NEK10: variants seen among roughly 807,000 people sequenced by gnomAD.
NEK10 encodes serine/threonine-protein kinase Nek10.
A neutral mutation model predicts 159.8 loss-of-function variants in NEK10; 122 were observed. The ratio of observed to expected loss-of-function variants is 0.76; its 90% CI spans 0.66 to 0.89. NEK10 has a LOEUF of 0.89. Ranked by LOEUF, NEK10 falls within the 40% of genes least tolerant of loss-of-function variation. The probability of loss-of-function intolerance (pLI) is 0.00; values close to 1 mark genes in which losing one functional copy is unlikely to be tolerated. For missense variants in NEK10, 1,342 were observed against 1,323.1 expected (o/e 1.01, Z -0.22); for synonymous variants, 466 against 457.1 (o/e 1.02, Z -0.25).
At chr3:27,149,230 C>G (rs918997342) in intron 30 of NEK10, among the ~76,000 whole-genome samples, 3 of 152,020 alleles carry the variant, frequency 2.0e-5, no homozygotes, top group African/African-American at 7.2e-5. Flanking sequence ...AGAGTTTATA[C>G]AGTGATGGGT....
At chr3:27,193,600 ATTTTTTTTTTTTT>A (rs141331589) in intron 25 of NEK10, among the ~76,000 whole-genome samples, 1 of 55,064 alleles carries the variant, frequency 1.8e-5, no homozygotes, top group African/African-American at 8.2e-5. Context: ...CATATGCTTG[ATTTTTTTTTTTTT>A]TTTTTTTTTT....
chr3:27,309,833 C>T (rs1242519865), intron 9 of NEK10: 1 of 152,170 alleles, frequency 6.6e-6, no homozygotes, highest in Non-Finnish European at 1.5e-5. Context: ...CCATTTGCCT[C>T]CCAGATTTCT....
At chr3:27,153,715 A>G (rs907728794) in intron 30 of NEK10, among the ~76,000 whole-genome samples, 1 of 152,244 alleles carries the variant, frequency 6.6e-6, no homozygotes, top group African/African-American at 2.4e-5. Context: ...GCAATGGGTC[A>G]GAAACACAAT....
intron 5 of NEK10, among the ~76,000 whole-genome samples, chr3:27,324,941 G>A (rs1324949340): frequency 6.6e-6 from 1 of 152,184 alleles, no homozygotes; most frequent in Non-Finnish European, 1.5e-5. Flanking sequence ...AAGGTCCAGT[G>A]CCTAAGGTGC....
chr3:27,329,441 C>A (rs2046242412), intron 5 of NEK10, among the ~76,000 whole-genome samples: 1 of 152,138 alleles, frequency 6.6e-6, no homozygotes, highest in Non-Finnish European at 1.5e-5. Flanking sequence ...TGATTTTTAG[C>A]TGTGGAAATG....
At chr3:27,136,103 A>ATTTTTTTTTTTTTTT (rs775843715) in intron 31 of NEK10, among the ~76,000 whole-genome samples, 1 of 60,680 alleles carries the variant, frequency 1.6e-5, no homozygotes, top group Non-Finnish European at 3.1e-5. Flanking sequence ...TAGGAGATCG[A>ATTTTTTTTTTTTTTT]TTTTTTTTTT....
chr3:27,174,117 G>T (rs1490339027), intron 28 of NEK10, among the ~76,000 whole-genome samples: 1 of 152,076 alleles, frequency 6.6e-6, no homozygotes, highest in African/African-American at 2.4e-5. Flanking sequence ...TAACCAACAG[G>T]CTCATAAAAG....
intron 30 of NEK10, among the ~76,000 whole-genome samples, chr3:27,142,023 T>C (rs765729753): frequency 4.6e-5 from 7 of 152,176 alleles, no homozygotes; most frequent in Admixed American, 6.5e-5. Flanking sequence ...ATGTAATCAC[T>C]GAACATTCTT....
chr3:27,249,902 T>G (rs2149295169), intron 23 of NEK10, among the ~76,000 whole-genome samples: 1 of 152,292 alleles, frequency 6.6e-6, no homozygotes, highest in South Asian at 2.1e-4. Context: ...GTTTTTTGAT[T>G]TGAGGTTACC....
At chr3:27,347,662 C>A (rs146801347) in intron 3 of NEK10, among the ~76,000 whole-genome samples, 6 of 152,092 alleles carry the variant, frequency 3.9e-5, no homozygotes, top group African/African-American at 1.4e-4. Context: ...ATATGCCAGC[C>A]ACAGTCAGAT....
chr3:27,302,148 A>G (rs1426392346), intron 12 of NEK10, among the ~76,000 whole-genome samples: 1 of 152,136 alleles, frequency 6.6e-6, no homozygotes, highest in Non-Finnish European at 1.5e-5. Flanking sequence ...GATTATTCTC[A>G]GTTTCCTTTT....
At chr3:27,206,601 C>T (rs187132517) in intron 23 of NEK10, 1 of 985,240 alleles carries the variant, frequency 1.0e-6, no homozygotes, top group East Asian at 1.1e-4. Flanking sequence ...CATTCACATC[C>T]AAGTCTTCCA....
intron 30 of NEK10, among the ~76,000 whole-genome samples, chr3:27,149,079 T>C (rs1944582438): frequency 6.6e-6 from 1 of 150,908 alleles, no homozygotes; most frequent in East Asian, 1.9e-4. Context: ...ATCTAAAATA[T>C]ATATGTATAT....
chr3:27,184,954 T>A (rs1406795687), intron 26 of NEK10, among the ~76,000 whole-genome samples: 3 of 152,190 alleles, frequency 2.0e-5, no homozygotes, highest in African/African-American at 4.8e-5. Context: ...GCACATTTTT[T>A]AATTTGCATT....
Position 27,108,681 on chromosome 3 carries a change from G to T in NEK10, c.*2591C>A, listed in dbSNP as rs1478697920. Among the ~76,000 whole-genome samples, 1 of 152,142 alleles carries T rather than the reference G, an allele frequency of 6.6e-6. No individual in the cohort carries two copies. Among genetic ancestry groups the T allele is most frequent in the African/African-American group, 2.4e-5 (1 of 41,448 alleles). On this transcript the variant is annotated 3_prime_UTR_variant, in exon 36 of 36. Transcript: ENST00000691995. ...AAATATATAAATGCAATCAAGAAAA[G>T]ATTAAGAGGTCTATGAAGTTCATGT...
chr3:27,118,549 CT>C (rs1940828574), intron 33 of NEK10, among the ~76,000 whole-genome samples: 1 of 152,176 alleles, frequency 6.6e-6, no homozygotes, highest in Non-Finnish European at 1.5e-5. Context: ...GCTGTTTTTG[CT>C]TTTGCCCAGC....
At chr3:27,116,148 A>C (rs543469004) in intron 33 of NEK10, 21 bp from the exon 34 acceptor site, 39 of 1,610,084 alleles carry the variant, frequency 2.4e-5, no homozygotes, top group Non-Finnish European at 3.1e-5. Flanking sequence ...TAAATTATGG[A>C]AAGTCTGACA....
rs530338768 is a variant in NEK10, at chr3:27,270,083, T to C, written c.2015-13712A>G. On this transcript the variant is annotated intron_variant, in intron 22 of 35. Coordinates refer to ENST00000691995, the MANE Select transcript of NEK10 (RefSeq NM_001394966.1). The stretch of plus-strand genomic sequence containing the variant: ...TTATGTGTGGATGAGACTTGGTAAC[T>C]CATGGCTAATGAACTGAATATAGCA... 1.1e-4 allele frequency among the ~76,000 whole-genome samples: 16 copies of C among 152,334 alleles called. 1 individual carries two copies. In the South Asian group the frequency reaches 3.3e-3, roughly 32 times the overall value.
At chr3:27,234,721 T>G (rs1196782594) in intron 23 of NEK10, among the ~76,000 whole-genome samples, 1 of 152,076 alleles carries the variant, frequency 6.6e-6, no homozygotes, top group Non-Finnish European at 1.5e-5. Context: ...GCTATTCCCA[T>G]GAAACTATAA....
Sources: gnomAD v4.1 joint callset for allele counts (sites outside exome capture counted in the v4.1 genomes callset) on GRCh38, gnomAD v4.1.1 for gene constraint, MANE v1.5 for transcripts, NCBI Gene and HGNC (gene_info 2026-07-23, HGNC 2026-07-21) for gene names.